RADIL: variants seen among roughly 807,000 people sequenced by gnomAD.
RADIL encodes the protein ras-associating and dilute domain-containing protein.
In RADIL, 99 loss-of-function variants were observed where a neutral mutation model predicts 97.6. That is an observed-to-expected ratio of 1.01 (90% CI 0.86 to 1.20). The LOEUF is 1.20. RADIL is among the 50% of genes most tolerant of loss of function. RADIL has a pLI of 0.00. For synonymous variants in RADIL, 803 were observed against 691.8 expected (o/e 1.16, Z -2.52); for missense variants, 1,765 against 1,498.9 (o/e 1.18, Z -2.93).
chr7:4,839,402 T>C (rs1010282881), intron 2 of RADIL, among the ~76,000 whole-genome samples: 1 of 152,142 alleles, frequency 6.6e-6, no homozygotes, highest in African/African-American at 2.4e-5. Context: ...ACAAATGTGT[T>C]TTATGGCCAA....
At chr7:4,805,879 G>A in intron 9 of RADIL, 163 bp from the exon 10 acceptor site, 1 of 985,368 alleles carries the variant, frequency 1.0e-6, no homozygotes, top group Non-Finnish European at 1.2e-6. Context: ...CACAGCAGCA[G>A]TTCACCCCTG....
intron 1 of RADIL, among the ~76,000 whole-genome samples, chr7:4,882,695 C>G (rs995612416): frequency 1.3e-5 from 2 of 152,160 alleles, no homozygotes; most frequent in Non-Finnish European, 2.9e-5. Context: ...AGCCCCAGCC[C>G]GAGCCACGCT....
At chr7:4,839,913 ATTT>A (rs1242701307) in intron 2 of RADIL, among the ~76,000 whole-genome samples, 1 of 151,940 alleles carries the variant, frequency 6.6e-6, no homozygotes, top group Non-Finnish European at 1.5e-5. Context: ...TGCTGGGCTA[ATTT>A]TTTTATCTTT....
rs1425934194 is a variant in RADIL at position 4,824,747 on chromosome 7, A to G, written c.1455-2193T>C. Among the ~76,000 whole-genome samples the G allele has an allele frequency of 6.6e-6, 1 of 152,212 alleles. No homozygotes were observed. The highest frequency in any genetic ancestry group is 1.5e-5 in the Non-Finnish European group (1 of 68,032). ...CTGCTCCTTTTTGCCCATTCTGGAC[A>G]CTGGCTTGAAGGACACGCATGTCTG... On this transcript the variant is annotated intron_variant, in intron 5 of 14. Transcript: ENST00000399583. The surrounding 1 kb of genome is among the most constrained non-coding windows in gnomAD (Gnocchi z 6.7).
intron 2 of RADIL, 111 bp downstream of exon 2, chr7:4,877,494 G>T: frequency 8.1e-7 from 1 of 1,237,116 alleles, no homozygotes; most frequent in Non-Finnish European, 1.1e-6. Flanking sequence ...GCCTCCTGCA[G>T]AGCGAGCCCG....
Position 4,832,130 on chromosome 7 carries a change from G to T in RADIL, c.1454+11C>A, listed in dbSNP as rs775973332. 1.2e-6 allele frequency: 2 copies of T among 1,606,958 alleles called. No individual in the cohort carries two copies. Among genetic ancestry groups the T allele is most frequent in the Non-Finnish European group, 1.7e-6 (2 of 1,175,204 alleles). ...GCCCAGAGGCGGGCACAATAACCGG[G>T]TCATACTCACAGTTGCGCCTGCTTC... On this transcript the variant is annotated intron_variant, in intron 5 of 14. Transcript: ENST00000399583.
At chr7:4,827,434 C>T (rs1429062527) in intron 5 of RADIL, among the ~76,000 whole-genome samples, 8 of 150,810 alleles carry the variant, frequency 5.3e-5, no homozygotes, top group South Asian at 2.1e-4. Flanking sequence ...CCGAGGTGGG[C>T]GGGTCACCAG....
Position 4,834,231 on chromosome 7 carries a change from G to A in RADIL, c.1416+376C>T, listed in dbSNP as rs920351606. Among the ~76,000 whole-genome samples, 3 of 152,176 alleles carry A rather than the reference G, an allele frequency of 2.0e-5. No homozygotes were observed. The highest frequency in any genetic ancestry group is 2.9e-5 in the Non-Finnish European group (2 of 68,028). ...CTGGGGCTCTTGGGCAGGGGCCTGT[G>A]AGAGCTATCAATGTCACCTCGGCCT... On this transcript the variant is annotated intron_variant, in intron 4 of 14. Transcript: ENST00000399583. This position sits in a 1 kb window ranked among gnomAD's most constrained non-coding sequence, Gnocchi z 6.0.
intron 2 of RADIL, chr7:4,860,676 GA>G: frequency 6.2e-7 from 1 of 1,614,124 alleles, no homozygotes; most frequent in Non-Finnish European, 8.5e-7. Flanking sequence ...GCACTTGCCA[GA>G]AGTACAATAT....
intron 12 of RADIL, 113 bp downstream of exon 12, chr7:4,801,540 G>C: frequency 8.6e-7 from 1 of 1,165,506 alleles, no homozygotes; most frequent in Non-Finnish European, 1.2e-6. Flanking sequence ...GGTGTCTGTG[G>C]GGCAGGTAAG....
intron 10 of RADIL, among the ~76,000 whole-genome samples, chr7:4,804,573 G>A (rs1304048852): frequency 6.6e-6 from 1 of 152,204 alleles, no homozygotes; most frequent in African/African-American, 2.4e-5. Context: ...GATCGCCTGA[G>A]GTCAGGAATT....
chr7:4,871,361 C>T (rs11975077), intron 2 of RADIL, among the ~76,000 whole-genome samples: 4,403 of 152,336 alleles, frequency 0.029, 182 homozygotes, highest in African/African-American at 0.095. Flanking sequence ...ACAGAACTCA[C>T]GGCACCCCGT....
rs557926089 is a variant in RADIL, at chr7:4,851,906, A to G, written c.536-15301T>C. Reference sequence around the variant, plus strand: ...CCCTTTGCTGAAACCCAGGAAGACCAAAAGGTCAGGGTACCTGGCCACATA... The same window carrying G: ...CCCTTTGCTGAAACCCAGGAAGACCGAAAGGTCAGGGTACCTGGCCACATA... On this transcript the variant is annotated intron_variant, in intron 2 of 14. Transcript: ENST00000399583. Among the ~76,000 whole-genome samples the G allele has an allele frequency of 5.3e-4, 81 of 152,374 alleles. 1 individual carries two copies. The highest frequency in any genetic ancestry group is 1.6e-3 in the African/African-American group (68 of 41,594).
In RADIL at chr7:4,797,750, G is replaced by A. The variant is rs1781961956; in HGVS notation, c.*1628C>T. The A allele has an allele frequency of 1.3e-5, 2 of 152,228 alleles. No individual in the cohort carries two copies. Among genetic ancestry groups the A allele is most frequent in the Admixed American group, 1.3e-4 (2 of 15,266 alleles). 9.4% of individuals were successfully genotyped at this position (152,228 alleles called of 1,614,324 possible). On this transcript the variant is annotated 3_prime_UTR_variant, in exon 15 of 15. Transcript: ENST00000399583. ...TAATCCCAGCACTTTGGGAGGGCAA[G>A]GCGGGCAGATCACTTGATGTCAGTT...
intron 2 of RADIL, among the ~76,000 whole-genome samples, chr7:4,847,645 C>T (rs2115017057): frequency 6.9e-6 from 1 of 144,644 alleles, no homozygotes; most frequent in Middle Eastern, 3.6e-3. Context: ...ATACGATAGG[C>T]TACTGTTTAG....
In RADIL at chr7:4,831,199, GA is replaced by G. The variant is rs1554262870; in HGVS notation, c.1454+941del. ...AGAGCGAAACCCCATCTCAAAAAAAGAAAAAAAAAAAAAAGCACGAGATCAT... is the reference window on the plus strand; with the variant it reads ...AGAGCGAAACCCCATCTCAAAAAAAGAAAAAAAAAAAAAGCACGAGATCAT... On this transcript the variant is annotated intron_variant, in intron 5 of 14. Coordinates refer to ENST00000399583, the MANE Select transcript of RADIL (RefSeq NM_018059.5). Among the ~76,000 whole-genome samples the G allele has an allele frequency of 1.8e-3, 215 of 119,310 alleles. 1 individual carries two copies. Among genetic ancestry groups the G allele is most frequent in the South Asian group, 3.1e-3 (12 of 3,918 alleles). 78.3% of individuals were successfully genotyped at this position (119,310 alleles called of 152,430 possible).
chr7:4,845,292 G>A (rs541958705), intron 2 of RADIL, among the ~76,000 whole-genome samples: 28 of 152,180 alleles, frequency 1.8e-4, no homozygotes, highest in African/African-American at 4.3e-4. Flanking sequence ...GGTGGGACAC[G>A]TCTTAGTCCC....
chr7:4,820,178 A>AG (rs1316412389), intron 6 of RADIL, among the ~76,000 whole-genome samples: 1 of 152,200 alleles, frequency 6.6e-6, no homozygotes, highest in Non-Finnish European at 1.5e-5. Flanking sequence ...AAGGTCAGTG[A>AG]GGGTCACCCT....
intron 9 of RADIL, among the ~76,000 whole-genome samples, chr7:4,810,072 C>T (rs968852787): frequency 1.3e-5 from 2 of 152,174 alleles, no homozygotes; most frequent in South Asian, 4.2e-4. Context: ...AGGCTGGTCT[C>T]GAACTCCTGA....
Sources: allele counts gnomAD v4.1 joint callset (sites outside exome capture counted in the v4.1 genomes callset), GRCh38; gene constraint gnomAD v4.1.1; non-coding constraint Gnocchi (gnomAD v3.1); transcripts MANE v1.5; gene names NCBI Gene and HGNC (gene_info 2026-07-23, HGNC 2026-07-21).